The following NKAIN2 variants were observed in gnomAD, a reference collection of about 807,000 sequenced individuals.
NKAIN2 encodes the protein sodium/potassium transporting ATPase interacting 2.
NKAIN2 carries 14 observed loss-of-function variants against 32.6 expected under a neutral mutation model. That is an observed-to-expected ratio of 0.43 (90% CI 0.28 to 0.67). The LOEUF is 0.67. NKAIN2 is among the 30% of genes least tolerant of loss of function. NKAIN2 has a pLI of 0.17. For synonymous variants in NKAIN2, 80 were observed against 87.2 expected (o/e 0.92, Z 0.46); for missense variants, 198 against 258.3 (o/e 0.77, Z 1.60).
At chr6:124,302,978 C>T (rs73571125) in intron 2 of NKAIN2, among the ~76,000 whole-genome samples, 1,677 of 152,260 alleles carry the variant, frequency 0.011, 22 homozygotes, top group African/African-American at 0.036. Context: ...ATGAGAGCAG[C>T]AGGAATTTGG....
chr6:124,336,296 C>T (rs868322616), intron 2 of NKAIN2, among the ~76,000 whole-genome samples: 4 of 152,160 alleles, frequency 2.6e-5, no homozygotes, highest in African/African-American at 9.7e-5. Flanking sequence ...ATAATCATCC[C>T]AAACTTTTTT....
intron 2 of NKAIN2, among the ~76,000 whole-genome samples, chr6:124,333,682 A>ATAC (rs1554283509): frequency 1.3e-4 from 20 of 150,860 alleles, no homozygotes; most frequent in Middle Eastern, 3.4e-3. Context: ...TAAATAAATA[A>ATAC]ATACATAAAT....
Position 123,818,168 on chromosome 6 carries a change from A to G in NKAIN2, c.54+13914A>G, listed in dbSNP as rs145590524. ...AAAAAGATTTAAGATAGGAATGCATATTAATTTTCAGACATATAATTATTG... is the reference window on the plus strand; with the variant it reads ...AAAAAGATTTAAGATAGGAATGCATGTTAATTTTCAGACATATAATTATTG... On this transcript the variant is annotated intron_variant, in intron 1 of 6. Coordinates refer to ENST00000368417, the MANE Select transcript of NKAIN2 (RefSeq NM_001040214.3). Among the ~76,000 whole-genome samples the G allele has an allele frequency of 6.0e-3, 914 of 152,332 alleles. 2 individuals carry two copies. Among genetic ancestry groups the G allele is most frequent in the Middle Eastern group, 0.024 (7 of 294 alleles).
intron 1 of NKAIN2, among the ~76,000 whole-genome samples, chr6:124,224,112 C>T (rs1270173464): frequency 1.3e-5 from 2 of 152,038 alleles, no homozygotes; most frequent in African/African-American, 2.4e-5. Context: ...GGGATGTGTG[C>T]ATAGACATAT....
intron 1 of NKAIN2, among the ~76,000 whole-genome samples, chr6:123,961,474 C>G (rs1207352056): frequency 6.6e-6 from 1 of 152,138 alleles, no homozygotes; most frequent in African/African-American, 2.4e-5. Flanking sequence ...CTAGTCCACT[C>G]CACTTTTTGA....
intron 2 of NKAIN2, among the ~76,000 whole-genome samples, chr6:124,311,357 G>A (rs939162601): frequency 1.3e-5 from 2 of 152,056 alleles, no homozygotes; most frequent in Non-Finnish European, 2.9e-5. Flanking sequence ...CAAACTCTCC[G>A]CATTTAATAG....
At chr6:124,018,440 C>A (rs1207152719) in intron 1 of NKAIN2, among the ~76,000 whole-genome samples, 1 of 152,148 alleles carries the variant, frequency 6.6e-6, no homozygotes, top group African/African-American at 2.4e-5. Context: ...CAGAAAATTT[C>A]TCCTATTGCA....
At chr6:123,982,985 AC>A (rs770042159) in intron 1 of NKAIN2, among the ~76,000 whole-genome samples, 93 of 45,748 alleles carry the variant, frequency 2.0e-3, no homozygotes, top group South Asian at 5.6e-3. Flanking sequence ...TACCACCCCC[AC>A]CCCCGCCCCC....
intron 1 of NKAIN2, among the ~76,000 whole-genome samples, chr6:124,160,023 A>G (rs569292609): frequency 1.1e-4 from 16 of 152,264 alleles, no homozygotes; most frequent in Admixed American, 2.6e-4. Context: ...AAAAAAGCTT[A>G]TTCTGAGTAA....
chr6:124,117,669 G>A (rs1400565055), intron 1 of NKAIN2, among the ~76,000 whole-genome samples: 2 of 151,202 alleles, frequency 1.3e-5, no homozygotes, highest in Non-Finnish European at 1.5e-5. Flanking sequence ...AATAAAAAAA[G>A]AAAATATGTA....
chr6:124,348,247 T>TG (rs1159899417), intron 2 of NKAIN2, among the ~76,000 whole-genome samples: 1 of 147,210 alleles, frequency 6.8e-6, no homozygotes, highest in Admixed American at 6.6e-5. Flanking sequence ...CTGCCCCCAC[T>TG]GGGGGGTGCC....
At chr6:124,573,929 CT>C (rs747030989) in intron 3 of NKAIN2, among the ~76,000 whole-genome samples, 18 of 152,278 alleles carry the variant, frequency 1.2e-4, no homozygotes, top group Non-Finnish European at 2.5e-4. Context: ...CTTATTTGCT[CT>C]GCTAACAGAG....
At chr6:124,043,621 G>A (rs1582522440) in intron 1 of NKAIN2, among the ~76,000 whole-genome samples, 1 of 152,114 alleles carries the variant, frequency 6.6e-6, no homozygotes, top group Non-Finnish European at 1.5e-5. Context: ...AACAGAACTT[G>A]CCAAAACACC....
intron 1 of NKAIN2, among the ~76,000 whole-genome samples, chr6:124,106,596 T>TG (rs1284204484): frequency 5.3e-5 from 8 of 152,184 alleles, no homozygotes; most frequent in African/African-American, 1.9e-4. Context: ...GCTTGGCAAA[T>TG]GCATCTAAAA....
chr6:123,807,752 T>C (rs946764872), intron 1 of NKAIN2, among the ~76,000 whole-genome samples: 2 of 152,154 alleles, frequency 1.3e-5, no homozygotes, highest in Admixed American at 1.3e-4. Flanking sequence ...TTTAGACTTC[T>C]GGGTGGCACA....
intron 4 of NKAIN2, among the ~76,000 whole-genome samples, chr6:124,677,356 G>T (rs1417129207): frequency 6.6e-6 from 1 of 152,144 alleles, no homozygotes; most frequent in African/African-American, 2.4e-5. Flanking sequence ...TTCTGAAAAG[G>T]AAGGGCTTAC....
At chr6:124,468,401 A>C (rs1206716367) in intron 3 of NKAIN2, among the ~76,000 whole-genome samples, 1 of 152,154 alleles carries the variant, frequency 6.6e-6, no homozygotes, top group Non-Finnish European at 1.5e-5. Flanking sequence ...AATCTCTGCT[A>C]GTTGGCGAAT....
At chr6:124,673,526 G>A (rs1455314919) in intron 4 of NKAIN2, among the ~76,000 whole-genome samples, 1 of 151,900 alleles carries the variant, frequency 6.6e-6, no homozygotes, top group East Asian at 1.9e-4. Context: ...CCACATCGTT[G>A]TCAACACTTG....
intron 2 of NKAIN2, among the ~76,000 whole-genome samples, chr6:124,323,847 G>A (rs572228846): frequency 3.4e-5 from 5 of 146,060 alleles, no homozygotes; most frequent in African/African-American, 1.3e-4. Flanking sequence ...GAGTTCAGTG[G>A]CACAATCTCG....
Sources: gnomAD v4.1 joint callset for allele counts (sites outside exome capture counted in the v4.1 genomes callset) on GRCh38, gnomAD v4.1.1 for gene constraint, MANE v1.5 for transcripts, NCBI Gene and HGNC (gene_info 2026-07-23, HGNC 2026-07-21) for gene names.